FREM2: variants seen among roughly 807,000 people sequenced by gnomAD.
FREM2 encodes the protein FRAS1-related extracellular matrix protein 2.
In FREM2, 119 loss-of-function variants were observed where a neutral mutation model predicts 219.9. The ratio of observed to expected loss-of-function variants is 0.54; its 90% CI spans 0.47 to 0.63. The LOEUF is 0.63. Among genes scored for constraint, FREM2 ranks in the 30% least tolerant of loss-of-function variants. FREM2 has a pLI of 0.00. For synonymous variants in FREM2, 1,562 were observed against 1,522.8 expected (o/e 1.03, Z -0.60); for missense variants, 4,030 against 3,993.6 (o/e 1.01, Z -0.25).
chr13:38,793,055 G>A (rs1005601319), intron 6 of FREM2, among the ~76,000 whole-genome samples: 2 of 152,146 alleles, frequency 1.3e-5, no homozygotes, highest in Admixed American at 6.5e-5. Context: ...AGATAATGTT[G>A]AATTGCAGTT....
At chr13:38,873,077 C>G (rs1878219239) in intron 17 of FREM2, 143 bp downstream of exon 17, 1 of 728,186 alleles carries the variant, frequency 1.4e-6, no homozygotes, top group African/African-American at 1.8e-5. Flanking sequence ...ATAATTTCAC[C>G]TTTTTCATCA....
intron 2 of FREM2, among the ~76,000 whole-genome samples, chr13:38,740,150 A>G (rs1390916768): frequency 6.6e-6 from 1 of 152,220 alleles, no homozygotes; most frequent in African/African-American, 2.4e-5. Context: ...AATCTATTTT[A>G]GGATATTCTC....
At chr13:38,798,836 TTTTG>T (rs1355291980) in intron 6 of FREM2, among the ~76,000 whole-genome samples, 12 of 152,210 alleles carry the variant, frequency 7.9e-5, no homozygotes, top group African/African-American at 2.6e-4. Context: ...TCCTTTCTGA[TTTTG>T]TTTATTTGGG....
rs758475574 is a variant in FREM2, at chr13:38,688,578, T to C, written c.1234T>C (p.Leu412=). Residue 412 remains leucine, a synonymous_variant, in exon 1 of 24, where the codon TTG becomes CTG. Transcript: ENST00000280481. ...SDQERLFELE[L]EVVDLEGAAS... The stretch of plus-strand genomic sequence containing the variant: ...CCAGGAGCGCCTCTTTGAACTGGAA[T>C]TGGAGGTAGTGGATCTAGAAGGAGC... 6.2e-7 allele frequency: 1 copy of C among 1,613,690 alleles called. No individual in the cohort carries two copies.
chr13:38,807,189 TTATATATATATATATATATATA>T (rs59551341), intron 6 of FREM2, among the ~76,000 whole-genome samples: 5 of 45,378 alleles, frequency 1.1e-4, no homozygotes, highest in African/African-American at 2.5e-4. Flanking sequence ...CTTGTCTCTG[TTATATATATATATATATATATA>T]TATATATATA....
intron 6 of FREM2, among the ~76,000 whole-genome samples, chr13:38,793,711 G>A (rs1874656731): frequency 6.6e-6 from 1 of 152,226 alleles, no homozygotes; most frequent in Non-Finnish European, 1.5e-5. Context: ...AGCTCAGGTG[G>A]CTGTTGGAGC....
At chr13:38,849,558 A>G (rs1050072486) in intron 8 of FREM2, among the ~76,000 whole-genome samples, 1 of 152,218 alleles carries the variant, frequency 6.6e-6, no homozygotes, top group African/African-American at 2.4e-5. Flanking sequence ...GATGATTTCA[A>G]CAGTGCTTGG....
chr13:38,769,875 G>A, intron 4 of FREM2, 67 bp downstream of exon 4: 6 of 1,124,940 alleles, frequency 5.3e-6, no homozygotes, highest in East Asian at 2.4e-5. Context: ...ACCTTGTAGG[G>A]GTATAGCTTA....
At chr13:38,815,123 T>A (rs1875713963) in intron 6 of FREM2, among the ~76,000 whole-genome samples, 1 of 152,184 alleles carries the variant, frequency 6.6e-6, no homozygotes, top group Non-Finnish European at 1.5e-5. Context: ...GTACACATGG[T>A]TGCTAAAATT....
intron 6 of FREM2, among the ~76,000 whole-genome samples, chr13:38,792,116 G>A (rs975903462): frequency 6.6e-6 from 1 of 152,174 alleles, no homozygotes; most frequent in Non-Finnish European, 1.5e-5. Flanking sequence ...GGAGGCTGAG[G>A]CAGGCAGATC....
intron 2 of FREM2, among the ~76,000 whole-genome samples, chr13:38,728,802 G>C (rs185195998): frequency 6.6e-6 from 1 of 152,152 alleles, no homozygotes; most frequent in Admixed American, 6.5e-5. Flanking sequence ...AATATGTTGG[G>C]AAATGCTGCC....
At chr13:38,790,631 A>G (rs562813135) in intron 6 of FREM2, among the ~76,000 whole-genome samples, 2 of 152,288 alleles carry the variant, frequency 1.3e-5, no homozygotes, top group African/African-American at 4.8e-5. Flanking sequence ...CAGGAATACC[A>G]TGGCTGAGTC....
chr13:38,801,212 T>A (rs1874994774), intron 6 of FREM2, among the ~76,000 whole-genome samples: 1 of 152,234 alleles, frequency 6.6e-6, no homozygotes, highest in Non-Finnish European at 1.5e-5. Flanking sequence ...AATTATTTCT[T>A]TGGTAAAATT....
At chr13:38,855,287 T>A (rs1877513588) in intron 11 of FREM2, among the ~76,000 whole-genome samples, 1 of 152,194 alleles carries the variant, frequency 6.6e-6, no homozygotes, top group African/African-American at 2.4e-5. Context: ...GAAGTCTTCT[T>A]GAAATATAAT....
intron 1 of FREM2, among the ~76,000 whole-genome samples, chr13:38,695,428 T>C (rs1477078495): frequency 6.6e-6 from 1 of 152,224 alleles, no homozygotes; most frequent in African/African-American, 2.4e-5. Context: ...GTTTTCTTTA[T>C]CTGAAAAAAG....
At chr13:38,700,453 A>T (rs1259927956) in intron 2 of FREM2, among the ~76,000 whole-genome samples, 6 of 152,052 alleles carry the variant, frequency 3.9e-5, no homozygotes, top group Non-Finnish European at 8.8e-5. Context: ...CTGTATTTGG[A>T]CTTAATACAC....
intron 6 of FREM2, among the ~76,000 whole-genome samples, chr13:38,824,939 T>TTG (rs1288143963): frequency 1.3e-5 from 2 of 150,168 alleles, no homozygotes; most frequent in African/African-American, 2.5e-5. Flanking sequence ...TTAACCAGCC[T>TTG]AAACCCAGGC....
intron 6 of FREM2, among the ~76,000 whole-genome samples, chr13:38,802,717 GC>G (rs2137852746): frequency 6.6e-6 from 1 of 152,344 alleles, no homozygotes; most frequent in African/African-American, 2.4e-5. Context: ...AGCTGTAGCT[GC>G]TGAAGGCTCA....
chr13:38,779,788 T>C (rs565429726), intron 4 of FREM2, among the ~76,000 whole-genome samples: 1 of 152,336 alleles, frequency 6.6e-6, no homozygotes, highest in East Asian at 1.9e-4. Context: ...ATCCATTTGC[T>C]AAATCTGATG....
Sources: allele counts gnomAD v4.1 joint callset (sites outside exome capture counted in the v4.1 genomes callset), GRCh38; gene constraint gnomAD v4.1.1; transcripts MANE v1.5; gene names NCBI Gene and HGNC (gene_info 2026-07-23, HGNC 2026-07-21).